The following NRCAM variants were observed in gnomAD, a reference collection of about 807,000 sequenced individuals.
The protein encoded by NRCAM is NgCAM-related cell adhesion molecule.
Under a neutral mutation model 156.5 loss-of-function variants are expected in NRCAM, and 83 were observed. The observed-to-expected ratio is 0.53, with a 90% CI of 0.44 to 0.64. NRCAM has a LOEUF of 0.64. Ranked by LOEUF, NRCAM falls within the 30% of genes least tolerant of loss-of-function variation. NRCAM has a pLI of 0.00. For missense variants in NRCAM, 1,417 were observed against 1,597.3 expected (o/e 0.89, Z 1.92); for synonymous variants, 538 against 563.9 (o/e 0.95, Z 0.65).
chr7:108,262,447 A>G (rs2096922223), intron 3 of NRCAM, among the ~76,000 whole-genome samples: 1 of 152,110 alleles, frequency 6.6e-6, no homozygotes, highest in Admixed American at 6.5e-5. Flanking sequence ...TCCTTTATAC[A>G]AGGAGGACAC....
chr7:108,428,880 T>C (rs1471829648), intron 1 of NRCAM, among the ~76,000 whole-genome samples: 2 of 152,046 alleles, frequency 1.3e-5, no homozygotes, highest in East Asian at 3.8e-4. Context: ...CAATACTTGG[T>C]AAAGACAAGA....
At chr7:108,434,200 C>A (rs1214240398) in intron 1 of NRCAM, among the ~76,000 whole-genome samples, 1 of 152,196 alleles carries the variant, frequency 6.6e-6, no homozygotes, top group Non-Finnish European at 1.5e-5. Context: ...CCGGCTCTGT[C>A]ATTAGGTAAT....
intron 11 of NRCAM, among the ~76,000 whole-genome samples, chr7:108,216,039 T>C (rs1048812346): frequency 6.6e-6 from 1 of 152,236 alleles, no homozygotes; most frequent in Non-Finnish European, 1.5e-5. Context: ...GTTTTTGCAG[T>C]GGCTGGTTCT....
At chr7:108,326,526 CA>C (rs1455043968) in intron 2 of NRCAM, among the ~76,000 whole-genome samples, 1 of 152,066 alleles carries the variant, frequency 6.6e-6, no homozygotes, top group Non-Finnish European at 1.5e-5. Context: ...CCATGAAAAT[CA>C]AACTATAATC....
intron 2 of NRCAM, among the ~76,000 whole-genome samples, chr7:108,335,433 G>GTTTTTTTTTT (rs1280086737): frequency 3.2e-5 from 2 of 62,702 alleles, no homozygotes; most frequent in African/African-American, 1.1e-4. Context: ...TGTTCCACCT[G>GTTTTTTTTTT]CTTTTTTTTT....
intron 3 of NRCAM, among the ~76,000 whole-genome samples, chr7:108,251,784 T>A (rs1430129729): frequency 1.3e-5 from 2 of 152,164 alleles, no homozygotes; most frequent in Non-Finnish European, 2.9e-5. Context: ...AGCAGTGGTT[T>A]CTGGGTGCCA....
chr7:108,243,602 G>A (rs1191327480), intron 3 of NRCAM, among the ~76,000 whole-genome samples: 3 of 152,158 alleles, frequency 2.0e-5, no homozygotes, highest in Non-Finnish European at 4.4e-5. Flanking sequence ...CAAGGCTAAG[G>A]AGTATGTTAG....
intron 32 of NRCAM, chr7:108,150,897 T>C (rs2041133023): frequency 2.7e-6 from 1 of 376,852 alleles, no homozygotes; most frequent in African/African-American, 2.1e-5. Flanking sequence ...GTACTATGAA[T>C]GGCATGCCAA....
chr7:108,321,500 C>T (rs749079593), intron 2 of NRCAM, among the ~76,000 whole-genome samples: 5 of 152,130 alleles, frequency 3.3e-5, no homozygotes, highest in African/African-American at 1.2e-4. Context: ...ATGAGAGATC[C>T]ACCCCCATGA....
intron 3 of NRCAM, among the ~76,000 whole-genome samples, chr7:108,259,845 G>A (rs573409705): frequency 3.3e-5 from 5 of 152,214 alleles, no homozygotes; most frequent in South Asian, 4.2e-4. Flanking sequence ...GCCTGTCGGC[G>A]GGTGGAGGGA....
intron 28 of NRCAM, among the ~76,000 whole-genome samples, chr7:108,173,984 A>C (rs1198717278): frequency 2.0e-5 from 3 of 152,180 alleles, no homozygotes; most frequent in Non-Finnish European, 4.4e-5. Context: ...TATCAGCTCT[A>C]GGCACAGCCA....
chr7:108,433,654 A>G (rs993562932), intron 1 of NRCAM, among the ~76,000 whole-genome samples: 4 of 151,708 alleles, frequency 2.6e-5, no homozygotes, highest in Non-Finnish European at 5.9e-5. Context: ...CCTTCCCCCT[A>G]CCCTCTTGCT....
At chr7:108,394,622 G>A (rs1485744598) in intron 2 of NRCAM, among the ~76,000 whole-genome samples, 1 of 152,158 alleles carries the variant, frequency 6.6e-6, no homozygotes, top group Non-Finnish European at 1.5e-5. Flanking sequence ...GCAAGGAGGG[G>A]AAACAGAAAA....
At chr7:108,272,623 C>CATATAAATAT (rs2097403899) in intron 3 of NRCAM, among the ~76,000 whole-genome samples, 1 of 151,802 alleles carries the variant, frequency 6.6e-6, no homozygotes, top group African/African-American at 2.4e-5. Flanking sequence ...TATTTATATA[C>CATATAAATAT]ATAGCACCCT....
chr7:108,275,025 T>C (rs1297997954), intron 3 of NRCAM, among the ~76,000 whole-genome samples: 3 of 152,244 alleles, frequency 2.0e-5, no homozygotes, highest in Admixed American at 6.5e-5. Flanking sequence ...GTTCTGTTTA[T>C]GTGATGGATT....
chr7:108,261,251 G>A (rs2096877630), intron 3 of NRCAM, among the ~76,000 whole-genome samples: 1 of 152,116 alleles, frequency 6.6e-6, no homozygotes, highest in Non-Finnish European at 1.5e-5. Context: ...CCCAGGTAAA[G>A]GTTGTGCTCC....
intron 2 of NRCAM, among the ~76,000 whole-genome samples, chr7:108,385,916 AGG>A (rs1376389554): frequency 2.3e-5 from 3 of 132,478 alleles, no homozygotes; most frequent in Non-Finnish European, 4.8e-5. Context: ...AGAGGGAGGG[AGG>A]GAGGGAGGGA....
intron 2 of NRCAM, among the ~76,000 whole-genome samples, chr7:108,381,377 C>T (rs761654633): frequency 4.6e-5 from 7 of 152,094 alleles, no homozygotes; most frequent in South Asian, 2.1e-4. Context: ...TGGTAAACTG[C>T]ATAGTCTAAT....
intron 2 of NRCAM, among the ~76,000 whole-genome samples, chr7:108,362,113 C>G (rs2099556197): frequency 6.6e-6 from 1 of 152,172 alleles, no homozygotes; most frequent in Non-Finnish European, 1.5e-5. Context: ...ATACCACAAG[C>G]TGGGTGGCTG....
Sources: allele counts gnomAD v4.1 joint callset (sites outside exome capture counted in the v4.1 genomes callset), GRCh38; gene constraint gnomAD v4.1.1; transcripts MANE v1.5; gene names NCBI Gene and HGNC (gene_info 2026-07-23, HGNC 2026-07-21).